Variants in ADAMTSL1 observed in about 807,000 individuals in gnomAD.
ADAMTSL1 encodes the protein ADAMTS-like protein 1.
A neutral mutation model predicts 201.8 loss-of-function variants in ADAMTSL1; 126 were observed. The ratio of observed to expected loss-of-function variants is 0.62; its 90% confidence interval spans 0.54 to 0.72. The LOEUF (loss-of-function observed/expected upper bound fraction) is 0.72. Among genes scored for constraint, ADAMTSL1 ranks in the 30% least tolerant of loss-of-function variants. ADAMTSL1 has a pLI of 0.00. For missense variants in ADAMTSL1, 2,679 were observed against 2,277.8 expected, an observed-to-expected ratio of 1.18 and a Z score of -3.59; for synonymous variants, 1,121 against 903.4, an observed-to-expected ratio of 1.24 and a Z score of -4.32.
intron 2 of ADAMTSL1, among the ~76,000 whole-genome samples, chr9:18,176,569 G>C (rs1272882983): frequency 6.6e-6 from 1 of 152,144 alleles, no homozygotes; most frequent in Non-Finnish European, 1.5e-5. Flanking sequence ...AATGGAAGAA[G>C]AAATGAAAAG....
chr9:18,810,648 G>A (rs542233664), intron 20 of ADAMTSL1, among the ~76,000 whole-genome samples: 1 of 152,170 alleles, frequency 6.6e-6, no homozygotes, highest in South Asian at 2.1e-4. Flanking sequence ...GATCTCATGG[G>A]GACCCAACTT....
chr9:18,083,836 T>C (rs1292549910), intron 1 of ADAMTSL1, among the ~76,000 whole-genome samples: 1 of 152,228 alleles, frequency 6.6e-6, no homozygotes, highest in Non-Finnish European at 1.5e-5. Context: ...GCTCTAGCTC[T>C]AAACATTATT....
chr9:18,655,630 C>T (rs1009593332), intron 7 of ADAMTSL1, among the ~76,000 whole-genome samples: 3 of 151,192 alleles, frequency 2.0e-5, no homozygotes, highest in African/African-American at 7.3e-5. Flanking sequence ...CAAAAACAAA[C>T]AAAAAAAGTA....
At chr9:18,680,275 T>C (rs761025356) in intron 10 of ADAMTSL1, 37 bp from the exon 11 acceptor site, 6 of 1,598,294 alleles carry the variant, frequency 3.8e-6, no homozygotes, top group Non-Finnish European at 5.1e-6. Flanking sequence ...CTTAGCAATG[T>C]GCATGTCTGC....
At chr9:18,614,231 C>A (rs868716703) in intron 4 of ADAMTSL1, among the ~76,000 whole-genome samples, 6 of 152,240 alleles carry the variant, frequency 3.9e-5, no homozygotes, top group Middle Eastern at 3.4e-3. Context: ...GACTGCTAAA[C>A]CCCAGAAGAG....
chr9:18,696,327 A>C (rs186475125), intron 13 of ADAMTSL1, among the ~76,000 whole-genome samples: 11 of 152,362 alleles, frequency 7.2e-5, no homozygotes, highest in African/African-American at 2.6e-4. Flanking sequence ...ATCTTGAGTC[A>C]GGAAAGCATT....
intron 23 of ADAMTSL1, among the ~76,000 whole-genome samples, chr9:18,859,552 A>G (rs1270360248): frequency 6.6e-6 from 1 of 152,242 alleles, no homozygotes; most frequent in Admixed American, 6.5e-5. Context: ...CAGAAGATCA[A>G]AGAATTAAAT....
chr9:18,576,809 C>T (rs1822764272), intron 4 of ADAMTSL1, among the ~76,000 whole-genome samples: 1 of 152,074 alleles, frequency 6.6e-6, no homozygotes, highest in Non-Finnish European at 1.5e-5. Context: ...TGAGTGACTA[C>T]CGTATCTAGG....
chr9:18,140,524 A>G (rs1330074224), intron 1 of ADAMTSL1, among the ~76,000 whole-genome samples: 2 of 152,212 alleles, frequency 1.3e-5, no homozygotes, highest in African/African-American at 2.4e-5. Flanking sequence ...GAAGTCTATC[A>G]GAGACTCAAC....
chr9:18,484,619 C>T (rs1005503139), intron 1 of ADAMTSL1, among the ~76,000 whole-genome samples: 3 of 152,120 alleles, frequency 2.0e-5, no homozygotes, highest in African/African-American at 7.2e-5. Flanking sequence ...CTCTTTCAGG[C>T]AAATAAAAGG....
intron 23 of ADAMTSL1, among the ~76,000 whole-genome samples, chr9:18,841,916 A>T (rs1016543418): frequency 6.6e-6 from 1 of 151,240 alleles, no homozygotes; most frequent in South Asian, 2.1e-4. Context: ...CGTCTATTTG[A>T]TTCTTCTCTC....
chr9:18,072,468 C>A (rs1464016703), intron 1 of ADAMTSL1, among the ~76,000 whole-genome samples: 1 of 152,158 alleles, frequency 6.6e-6, no homozygotes, highest in Non-Finnish European at 1.5e-5. Flanking sequence ...CAAATATTGA[C>A]CTAGTCTTCA....
At chr9:18,180,634 G>A (rs1374907862) in intron 2 of ADAMTSL1, among the ~76,000 whole-genome samples, 2 of 150,868 alleles carry the variant, frequency 1.3e-5, no homozygotes, top group African/African-American at 4.9e-5. Context: ...GGAAATAAAA[G>A]AGGATACAAA....
chr9:18,891,179 G>A (rs1052952254), intron 25 of ADAMTSL1, among the ~76,000 whole-genome samples: 2 of 132,422 alleles, frequency 1.5e-5, no homozygotes, highest in Non-Finnish European at 3.4e-5. Flanking sequence ...GCGCCGCTTG[G>A]CTAGGACGAA....
intron 23 of ADAMTSL1, among the ~76,000 whole-genome samples, chr9:18,872,714 C>G (rs1827936581): frequency 6.6e-6 from 1 of 152,086 alleles, no homozygotes; most frequent in South Asian, 2.1e-4. Flanking sequence ...ATGTATACAC[C>G]ACAGTTTCTT....
chr9:18,513,904 A>G (rs762007299), intron 2 of ADAMTSL1, among the ~76,000 whole-genome samples: 1 of 152,188 alleles, frequency 6.6e-6, no homozygotes, highest in Non-Finnish European at 1.5e-5. Context: ...TAGCTTATAA[A>G]ATGTTTTGAA....
At chr9:18,258,499 C>G (rs530116810) in intron 2 of ADAMTSL1, among the ~76,000 whole-genome samples, 1 of 152,278 alleles carries the variant, frequency 6.6e-6, no homozygotes, top group East Asian at 1.9e-4. Context: ...TCTGCATTCT[C>G]TCTTCTTCCC....
rs532435688 is a variant in ADAMTSL1 at position 18,711,551 on chromosome 9, C to T, written c.1876+4503C>T. Among the ~76,000 whole-genome samples the T allele has an allele frequency of 3.7e-4, 56 of 152,368 alleles. 1 individual carries two copies. Among genetic ancestry groups the T allele is most frequent in the African/African-American group, 1.1e-3 (44 of 41,592 alleles). On this transcript the variant is annotated intron_variant, in intron 14 of 28. Coordinates refer to ENST00000380548, the MANE Select transcript of ADAMTSL1 (RefSeq NM_001040272.6). The stretch of plus-strand genomic sequence containing the variant: ...GCGCTTTTCCGACGGGCTTAAAAAA[C>T]GGTGCAACAGGAGATTATATCCCGC...
chr9:18,417,952 A>C (rs1818759440), intron 2 of ADAMTSL1, among the ~76,000 whole-genome samples: 1 of 152,218 alleles, frequency 6.6e-6, no homozygotes, highest in East Asian at 1.9e-4. Context: ...AATTCTCAAC[A>C]AAATATTACC....
Sources: allele counts gnomAD v4.1 joint callset (sites outside exome capture counted in the v4.1 genomes callset), GRCh38; gene constraint gnomAD v4.1.1; transcripts MANE v1.5; gene names NCBI Gene and HGNC (gene_info 2026-07-23, HGNC 2026-07-21).